The following PKHD1 variants were observed in gnomAD, a reference collection of about 807,000 sequenced individuals.
The protein encoded by PKHD1 is fibrocystin.
A neutral mutation model predicts 412.0 loss-of-function variants in PKHD1; 291 were observed. The ratio of observed to expected loss-of-function variants is 0.71; its 90% CI spans 0.64 to 0.78. The LOEUF is 0.78. Among genes scored for constraint, PKHD1 ranks in the 30% least tolerant of loss-of-function variants. PKHD1 has a pLI of 0.00. For synonymous variants in PKHD1, 1,777 were observed against 1,821.5 expected (o/e 0.98, Z 0.62); for missense variants, 4,825 against 4,950.7 (o/e 0.97, Z 0.76).
Position 52,010,325 on chromosome 6 carries a change from C to G in PKHD1, c.5735G>C (p.Trp1912Ser). Residue 1912 changes from tryptophan to serine, a missense_variant, in exon 35 of 67, where the codon TGG becomes TCG. Trp to Ser is a radical substitution (Grantham distance 177). Transcript: ENST00000371117. ...TGATTATACCTGAGTGTTCTGGCCC[C>G]AGCGTTTCCGTATCTCAGTAATCTT... is the stretch of plus-strand genomic sequence containing the variant. ...TVKITEIRKRWGQNTQGNFSL... is the reference protein window; with the variant it reads ...TVKITEIRKRSGQNTQGNFSL... 6.2e-7 allele frequency: 1 copy of G among 1,613,800 alleles called. No homozygotes were observed. The highest frequency in any genetic ancestry group is 8.5e-7 in the Non-Finnish European group (1 of 1,179,852).
At chr6:51,848,555 G>C (rs1209961115) in intron 49 of PKHD1, among the ~76,000 whole-genome samples, 1 of 152,188 alleles carries the variant, frequency 6.6e-6, no homozygotes, top group Non-Finnish European at 1.5e-5. Context: ...GAAGAGTGCA[G>C]TGTCAGGACA....
chr6:51,840,161 G>A (rs1769920762), intron 50 of PKHD1, among the ~76,000 whole-genome samples: 2 of 151,984 alleles, frequency 1.3e-5, no homozygotes, highest in African/African-American at 4.8e-5. Flanking sequence ...CTCAGAAGCT[G>A]ACCTCTTTGG....
At chr6:51,828,801 G>A (rs1283611707) in intron 52 of PKHD1, among the ~76,000 whole-genome samples, 1 of 151,994 alleles carries the variant, frequency 6.6e-6, no homozygotes, top group Non-Finnish European at 1.5e-5. Flanking sequence ...TCAATCCAGA[G>A]ACCCATCAGA....
intron 52 of PKHD1, among the ~76,000 whole-genome samples, chr6:51,816,662 C>T (rs558207464): frequency 6.6e-6 from 1 of 152,312 alleles, no homozygotes; most frequent in South Asian, 2.1e-4. Context: ...CAGTCAAAGG[C>T]GACCAACTGA....
chr6:51,763,243 C>T (rs922603820), intron 55 of PKHD1, among the ~76,000 whole-genome samples: 10 of 151,938 alleles, frequency 6.6e-5, no homozygotes, highest in African/African-American at 2.4e-4. Flanking sequence ...ATAATAATAC[C>T]TAACTTATAG....
At chr6:51,641,609 C>A (rs1769358692) in intron 63 of PKHD1, among the ~76,000 whole-genome samples, 1 of 152,094 alleles carries the variant, frequency 6.6e-6, no homozygotes, top group South Asian at 2.1e-4. Flanking sequence ...TTTATTGCAG[C>A]ACACTCACAA....
At chr6:52,048,776 G>A (rs980344061) in intron 22 of PKHD1, among the ~76,000 whole-genome samples, 157 bp from the exon 23 acceptor site, 2 of 152,194 alleles carry the variant, frequency 1.3e-5, no homozygotes, top group Non-Finnish European at 2.9e-5. Context: ...AGGACCACTC[G>A]ATGTGAGAAT....
chr6:51,977,482 A>G (rs1794612316), intron 35 of PKHD1, among the ~76,000 whole-genome samples: 1 of 152,148 alleles, frequency 6.6e-6, no homozygotes, highest in Admixed American at 6.5e-5. Context: ...TCTACCAGAC[A>G]AACTCATTCT....
chr6:51,981,323 CTCTCCCTCTCCCTCTCCCTCTCCCT>C, intron 35 of PKHD1, among the ~76,000 whole-genome samples: 1 of 7,058 alleles, frequency 1.4e-4, no homozygotes, highest in African/African-American at 3.4e-4. Context: ...CTCCCTCTCC[CTCTCCCTCTCCCTCTCCCTCTCCCT>C]CTCCCTCTCC....
At chr6:51,772,874 T>C (rs1346202451) in intron 54 of PKHD1, 85 bp from the exon 55 acceptor site, 22 of 793,298 alleles carry the variant, frequency 2.8e-5, no homozygotes, top group African/African-American at 2.7e-4. Flanking sequence ...CCAGAGGCTG[T>C]TGTGCAAAAC....
Position 51,870,504 on chromosome 6 carries a change from C to T in PKHD1, c.7486G>A (p.Gly2496Ser), listed in dbSNP as rs747745685. The T allele has an allele frequency of 1.6e-5, 26 of 1,610,488 alleles. No individual in the cohort carries two copies. The South Asian group carries it at 2.7e-4, about 17-fold the overall frequency. Residue 2496 changes from glycine (G) to serine (S), a missense_variant and splice_region_variant, in exon 47 of 67, where the codon GGT becomes AGT. Gly to Ser is a moderately conservative substitution (Grantham distance 56). Coordinates refer to ENST00000371117, the MANE Select transcript of PKHD1 (RefSeq NM_138694.4). ...CTGTTCTGTCTATTCAAATAATTAC[C>T]TTGTCCTTGGGAACAGTCTGAACAG... The part of the protein sequence containing the change: ...RTCSDCSQGQ[G>S]GFTVKTSQLK...
At position 51,880,807 on chromosome 6, in the gene PKHD1, A is replaced by AC. The variant is rs1777176769; in HGVS notation, c.7350+2285dup. On this transcript the variant is annotated intron_variant, in intron 46 of 66. Coordinates refer to ENST00000371117, the MANE Select transcript of PKHD1 (RefSeq NM_138694.4). ...AAAAAAAAAAAAAAAAAAAAAAAAA[A>AC]CACAAAAAATTAGCCAGGCGTGGTG... Among the ~76,000 whole-genome samples the AC allele has an allele frequency of 5.7e-5, 4 of 70,458 alleles. No homozygotes were observed. In the Admixed American group the frequency reaches 6.8e-4, roughly 12 times the overall value. The allele number at this position is 70,458 out of a possible 152,430, so 46.2% of individuals were successfully genotyped here.
At chr6:52,053,404 A>G (rs1807194438) in intron 20 of PKHD1, among the ~76,000 whole-genome samples, 153 bp from the exon 21 acceptor site, 1 of 152,242 alleles carries the variant, frequency 6.6e-6, no homozygotes, top group Non-Finnish European at 1.5e-5. Flanking sequence ...CTGGGTGCCA[A>G]GGCTACAAAC....
intron 60 of PKHD1, among the ~76,000 whole-genome samples, chr6:51,665,269 G>T (rs1446827504): frequency 6.6e-6 from 1 of 152,096 alleles, no homozygotes; most frequent in Non-Finnish European, 1.5e-5. Context: ...CAGAGCTGAG[G>T]TTTCTTTGTT....
In PKHD1 at chr6:51,670,305, C is replaced by A. The variant is rs567707695; in HGVS notation, c.10157-10336G>T. Among the ~76,000 whole-genome samples, 3 of 152,270 alleles carry A rather than the reference C, an allele frequency of 2.0e-5. No individual in the cohort carries two copies. In the South Asian group the frequency reaches 6.2e-4, roughly 32 times the overall value. ...TGATCCGTTTACCATTATGTAATGG[C>A]CTTCTTCGTCTCTTTTGATCTTTGT... On this transcript the variant is annotated intron_variant, in intron 60 of 66. Coordinates refer to ENST00000371117, the MANE Select transcript of PKHD1 (RefSeq NM_138694.4).
chr6:51,823,178 G>A (rs1766737274), intron 52 of PKHD1, among the ~76,000 whole-genome samples: 1 of 152,058 alleles, frequency 6.6e-6, no homozygotes, highest in Non-Finnish European at 1.5e-5. Context: ...ATCCTCTCAG[G>A]CTACAACAGA....
chr6:51,865,420 G>A (rs576143628), intron 48 of PKHD1, among the ~76,000 whole-genome samples: 20 of 152,236 alleles, frequency 1.3e-4, no homozygotes, highest in African/African-American at 2.6e-4. Context: ...GGTAAGCACC[G>A]TCAGATTTAA....
At chr6:51,702,542 T>G (rs774101990) in intron 60 of PKHD1, among the ~76,000 whole-genome samples, 4 of 151,920 alleles carry the variant, frequency 2.6e-5, no homozygotes, top group Non-Finnish European at 5.9e-5. Flanking sequence ...GACTTACTCA[T>G]GTAACCAAAT....
intron 64 of PKHD1, among the ~76,000 whole-genome samples, chr6:51,635,568 C>T (rs1446574855): frequency 6.6e-6 from 1 of 151,974 alleles, no homozygotes; most frequent in Non-Finnish European, 1.5e-5. Context: ...GAGGACCCAG[C>T]ACACGGACAG....
Sources: allele counts gnomAD v4.1 joint callset (sites outside exome capture counted in the v4.1 genomes callset), GRCh38; gene constraint gnomAD v4.1.1; transcripts MANE v1.5; gene names NCBI Gene and HGNC (gene_info 2026-07-23, HGNC 2026-07-21).